The following RBFOX3 variants were observed in gnomAD, a reference collection of about 807,000 sequenced individuals.
RBFOX3 encodes RNA binding fox-1 homolog 3, also known as RNA binding protein fox-1 homolog 3.
Under a neutral mutation model 48.7 loss-of-function variants are expected in RBFOX3, and 17 were observed. The ratio of observed to expected loss-of-function variants is 0.35; its 90% CI spans 0.24 to 0.52. RBFOX3 has a LOEUF of 0.52. RBFOX3 is among the 20% of genes least tolerant of loss of function. The probability of loss-of-function intolerance (pLI) is 0.94; values close to 1 mark genes in which losing one functional copy is unlikely to be tolerated. For missense variants in RBFOX3, 382 were observed against 497.5 expected (o/e 0.77, Z 2.21); for synonymous variants, 212 against 209.5 (o/e 1.01, Z -0.10).
At chr17:79,265,451 A>G (rs1388611625) in intron 3 of RBFOX3, among the ~76,000 whole-genome samples, 1 of 152,186 alleles carries the variant, frequency 6.6e-6, no homozygotes, top group East Asian at 1.9e-4. Context: ...GGACCTCATC[A>G]AAAGCTTTTT....
intron 3 of RBFOX3, among the ~76,000 whole-genome samples, chr17:79,279,062 C>T (rs927293802): frequency 2.0e-5 from 3 of 152,122 alleles, no homozygotes; most frequent in East Asian, 1.9e-4. Flanking sequence ...TTCAGTCCTC[C>T]AATTACTAGT....
Position 79,477,350 on chromosome 17 carries a change from A to G in RBFOX3, c.-175+5104T>C, listed in dbSNP as rs1300095342. ...GGCAGGTGGATCACGAGGTCAGGAGATCGAGATCATCCTGGCTAACACGGT... is the reference window on the plus strand; with the variant it reads ...GGCAGGTGGATCACGAGGTCAGGAGGTCGAGATCATCCTGGCTAACACGGT... On this transcript the variant is annotated intron_variant, in intron 2 of 14. Coordinates refer to ENST00000693108, the MANE Select transcript of RBFOX3 (RefSeq NM_001350451.2). The surrounding 1 kb of genome is among the most constrained non-coding windows in gnomAD (Gnocchi z 4.8). Among the ~76,000 whole-genome samples the G allele has an allele frequency of 5.2e-4, 78 of 149,228 alleles. No homozygotes were observed. The highest frequency in any genetic ancestry group is 1.8e-3 in the African/African-American group (75 of 40,646).
intron 2 of RBFOX3, among the ~76,000 whole-genome samples, chr17:79,309,652 A>G (rs992972659): frequency 6.6e-6 from 1 of 152,138 alleles, no homozygotes; most frequent in Non-Finnish European, 1.5e-5. Flanking sequence ...TCCCCACCCA[A>G]GTCTCATCTG....
At chr17:79,227,113 C>T (rs530562703) in intron 4 of RBFOX3, among the ~76,000 whole-genome samples, 11 of 152,320 alleles carry the variant, frequency 7.2e-5, no homozygotes, top group South Asian at 6.2e-4. Context: ...TATCTGCAAG[C>T]GCCAGCCAGT....
intron 1 of RBFOX3, among the ~76,000 whole-genome samples, chr17:79,491,378 A>T (rs1488899743): frequency 6.6e-6 from 1 of 152,022 alleles, no homozygotes; most frequent in Non-Finnish European, 1.5e-5. Flanking sequence ...GAGGAATTTT[A>T]AGTAGGACAT....
At chr17:79,614,440 G>T (rs1166244862), upstream of RBFOX3, among the ~76,000 whole-genome samples, 6 of 150,900 alleles carry the variant, frequency 4.0e-5, no homozygotes, top group Non-Finnish European at 7.4e-5. Flanking sequence ...CCAAGCACAG[G>T]CCCCACTCCC....
intron 4 of RBFOX3, among the ~76,000 whole-genome samples, chr17:79,149,539 G>C (rs963485742): frequency 9.9e-5 from 15 of 152,240 alleles, no homozygotes; most frequent in African/African-American, 3.6e-4. Context: ...AGGCTGTGAA[G>C]TGGGTGGGGC....
chr17:79,155,725 G>A (rs1013640346), intron 4 of RBFOX3, among the ~76,000 whole-genome samples: 1 of 152,112 alleles, frequency 6.6e-6, no homozygotes, highest in Non-Finnish European at 1.5e-5. Flanking sequence ...CCAAGACGGG[G>A]GAGGCAAGGA....
At chr17:79,378,069 G>T (rs1051644254) in intron 2 of RBFOX3, among the ~76,000 whole-genome samples, 4 of 152,184 alleles carry the variant, frequency 2.6e-5, no homozygotes, top group African/African-American at 9.7e-5. Context: ...GGATTGTGAA[G>T]GCACAAGTGC....
chr17:79,291,282 C>T (rs61408026), intron 3 of RBFOX3, among the ~76,000 whole-genome samples: 16,185 of 152,214 alleles, frequency 0.11, 1,359 homozygotes, highest in African/African-American at 0.23. Context: ...CTCAGATGTG[C>T]CCTGGGTGTG....
chr17:79,563,372 G>C (rs954340900), intron 1 of RBFOX3, among the ~76,000 whole-genome samples: 5 of 152,228 alleles, frequency 3.3e-5, no homozygotes, highest in East Asian at 3.8e-4. Flanking sequence ...CCTCGCTTCC[G>C]TCTGCAAGGA....
chr17:79,618,123 C>T, the RBFOX3 span, among the ~76,000 whole-genome samples: 9 of 152,224 alleles, frequency 5.9e-5, no homozygotes, highest in African/African-American at 1.7e-4. Context: ...CAGGGTCCCA[C>T]GTCCACACCA....
intron 4 of RBFOX3, among the ~76,000 whole-genome samples, chr17:79,219,415 CAA>C (rs1305222784): frequency 3.9e-5 from 6 of 152,228 alleles, no homozygotes; most frequent in Non-Finnish European, 8.8e-5. Flanking sequence ...CACACACACA[CAA>C]AGACACACAG....
At position 79,357,766 on chromosome 17, in the gene RBFOX3, T is replaced by TA. The variant is rs946512091; in HGVS notation, c.-174-49943dup. ...GAATGAAGTGCGTTTGTTGAATTTG[T>TA]AAAAAGACAGAGAAATATTTTGTTA... On this transcript the variant is annotated intron_variant, in intron 2 of 14. Transcript: ENST00000693108. Among the ~76,000 whole-genome samples, 151 of 151,690 alleles carry TA rather than the reference T, an allele frequency of 1.0e-3. 2 individuals are homozygous for TA. Among genetic ancestry groups the TA allele is most frequent in the African/African-American group, 3.2e-3 (133 of 41,390 alleles).
At chr17:79,093,826 C>CACACACACACACACACAG (rs1555681688) in intron 14 of RBFOX3, among the ~76,000 whole-genome samples, 2 of 147,236 alleles carry the variant, frequency 1.4e-5, no homozygotes, top group African/African-American at 2.6e-5. Flanking sequence ...CACACACACA[C>CACACACACACACACACAG]AGAGACACGC....
chr17:79,094,624 A>AGGGTGCCCATGTAGTGTC, intron 13 of RBFOX3, 95 bp from the exon 14 acceptor site: 1 of 782,802 alleles, frequency 1.3e-6, no homozygotes, highest in Non-Finnish European at 1.9e-6. Flanking sequence ...CAGACACTAC[A>AGGGTGCCCATGTAGTGTC]TGGGCACCCT....
intron 4 of RBFOX3, chr17:79,132,728 G>A (rs1365968153): frequency 1.3e-5 from 2 of 152,230 alleles, no homozygotes; most frequent in Admixed American, 1.3e-4. Context: ...CTGGGGCTGA[G>A]GAGAACCTCG....
the RBFOX3 span, among the ~76,000 whole-genome samples, chr17:79,625,788 G>A: frequency 6.2e-4 from 94 of 152,278 alleles, no homozygotes; most frequent in East Asian, 0.016. Flanking sequence ...GCAAAACTCC[G>A]TCTCAAAAAT....
At chr17:79,139,347 T>C (rs2041422004) in intron 4 of RBFOX3, among the ~76,000 whole-genome samples, 1 of 152,168 alleles carries the variant, frequency 6.6e-6, no homozygotes, top group Admixed American at 6.5e-5. Flanking sequence ...CAGGTGACTA[T>C]GTCTCCAGGT....
Sources: gnomAD v4.1 joint callset for allele counts (sites outside exome capture counted in the v4.1 genomes callset) on GRCh38, gnomAD v4.1.1 for gene constraint, Gnocchi (gnomAD v3.1) non-coding constraint, MANE v1.5 for transcripts, NCBI Gene and HGNC (gene_info 2026-07-23, HGNC 2026-07-21) for gene names.